Variants in MVB12B observed in about 807,000 individuals in gnomAD.
MVB12B encodes ESCRT-I complex subunit MVB12B.
A neutral mutation model predicts 41.6 loss-of-function variants in MVB12B; 16 were observed. That is an observed-to-expected ratio of 0.38 (90% CI 0.26 to 0.58). The LOEUF (loss-of-function observed/expected upper bound fraction) is 0.58. Ranked by LOEUF, MVB12B falls within the 20% of genes least tolerant of loss-of-function variation. The pLI is 0.62. For missense variants in MVB12B, 274 were observed against 380.2 expected (o/e 0.72, Z 2.32); for synonymous variants, 133 against 139.7 (o/e 0.95, Z 0.34).
At chr9:126,375,081 A>G (rs573063107) in intron 2 of MVB12B, among the ~76,000 whole-genome samples, 2 of 151,994 alleles carry the variant, frequency 1.3e-5, no homozygotes, top group South Asian at 4.2e-4. Context: ...ATTTTATTAT[A>G]TTGCTTATTT....
chr9:126,438,236 G>A (rs1230895788), intron 7 of MVB12B, among the ~76,000 whole-genome samples: 2 of 152,148 alleles, frequency 1.3e-5, no homozygotes, highest in Admixed American at 6.5e-5. Flanking sequence ...AATGACCAGC[G>A]TGTTTAAATT....
In MVB12B at chr9:126,503,348, T is replaced by A; in HGVS notation, c.*85T>A. 8.8e-7 allele frequency: 1 copy of A among 1,131,822 alleles called. No individual in the cohort carries two copies. Among genetic ancestry groups the A allele is most frequent in the Non-Finnish European group, 1.3e-6 (1 of 789,004 alleles). 70.1% of individuals were successfully genotyped at this position (1,131,822 alleles called of 1,614,324 possible). On this transcript the variant is annotated 3_prime_UTR_variant, in exon 10 of 10. Transcript: ENST00000361171. Reference sequence around the variant, plus strand: ...GCTGCCCCCGCCTCCTCCTGCCGCCTCCGCCAGCCCTCCCTCCCACACTGC... The same window carrying A: ...GCTGCCCCCGCCTCCTCCTGCCGCCACCGCCAGCCCTCCCTCCCACACTGC...
Position 126,436,360 on chromosome 9 carries a change from C to G in MVB12B, c.757+14412C>G, listed in dbSNP as rs1303637620. ...TAATTGGATTGGGAAAAAGAACCTA[C>G]AAGTTATGAACTTTGCAGAGCAGCA... On this transcript the variant is annotated intron_variant, in intron 7 of 9. Transcript: ENST00000361171. The surrounding 1 kb of genome is among the most constrained non-coding windows in gnomAD (Gnocchi z 4.1). 6.6e-6 allele frequency among the ~76,000 whole-genome samples: 1 copy of G among 152,220 alleles called. No homozygotes were observed. Among genetic ancestry groups the G allele is most frequent in the Non-Finnish European group, 1.5e-5 (1 of 68,032 alleles).
intron 2 of MVB12B, among the ~76,000 whole-genome samples, chr9:126,372,999 T>C (rs1292438079): frequency 6.6e-6 from 1 of 152,098 alleles, no homozygotes; most frequent in African/African-American, 2.4e-5. Flanking sequence ...GGGTTAGACA[T>C]AGAGGCCCAG....
In MVB12B at chr9:126,335,144, G is replaced by A. The variant is rs1392163036; in HGVS notation, c.82-5364G>A. The stretch of plus-strand genomic sequence containing the variant: ...GCTTAGAAAAATATTTGCCTTAGTT[G>A]CCCAACAACTTAGCAGCCCTCCTAG... On this transcript the variant is annotated intron_variant, in intron 1 of 9. Transcript: ENST00000361171. 1.1e-5 allele frequency: 10 copies of A among 924,920 alleles called. No individual in the cohort carries two copies. In the East Asian group the frequency reaches 6.0e-4, roughly 55 times the overall value. The allele number at this position is 924,920 out of a possible 1,614,324, so 57.3% of individuals were successfully genotyped here.
intron 6 of MVB12B, among the ~76,000 whole-genome samples, chr9:126,417,302 C>T (rs1831853718): frequency 6.6e-6 from 1 of 152,256 alleles, no homozygotes; most frequent in African/African-American, 2.4e-5. Flanking sequence ...AAAATACAGT[C>T]AGCCTGTGAC....
In MVB12B at chr9:126,503,518, G is replaced by T; in HGVS notation, c.*255G>T. 5.6e-6 allele frequency: 3 copies of T among 537,934 alleles called. No individual in the cohort carries two copies. The highest frequency in any genetic ancestry group is 2.5e-5 in the South Asian group (1 of 40,358). 33.3% of individuals were successfully genotyped at this position (537,934 alleles called of 1,614,324 possible). A position where few individuals can be genotyped will look rare whatever the true frequency, so the allele number is the denominator to read the frequency against. ...GCTGTAGTGACCAGCGGCTCCTAAC[G>T]TGTCTGTGTGATGACCAGTTGTCCT... On this transcript the variant is annotated 3_prime_UTR_variant, in exon 10 of 10. Transcript: ENST00000361171.
chr9:126,424,938 T>A (rs1832129550), intron 7 of MVB12B, among the ~76,000 whole-genome samples: 1 of 152,228 alleles, frequency 6.6e-6, no homozygotes, highest in Non-Finnish European at 1.5e-5. Context: ...GGGAGGTGGA[T>A]AGATCTTAAA....
Position 126,376,282 on chromosome 9 carries a change from C to G in MVB12B, c.205-4782C>G, listed in dbSNP as rs1830478214. ...ATTTGCAGTCTATTCACTCATCCCT[C>G]TGAGGATTTAATTACAGACTGGGTT... On this transcript the variant is annotated intron_variant, in intron 2 of 9. Coordinates refer to ENST00000361171, the MANE Select transcript of MVB12B (RefSeq NM_033446.3). This position sits in a 1 kb window ranked among gnomAD's most constrained non-coding sequence, Gnocchi z 4.1. 6.6e-6 allele frequency among the ~76,000 whole-genome samples: 1 copy of G among 152,234 alleles called. No individual in the cohort carries two copies.
intron 7 of MVB12B, among the ~76,000 whole-genome samples, chr9:126,451,558 G>A (rs1207042121): frequency 6.6e-6 from 1 of 152,114 alleles, no homozygotes; most frequent in African/African-American, 2.4e-5. Flanking sequence ...GAATGGTCAA[G>A]GCTGCATCTC....
At chr9:126,400,761 T>C (rs1245746588) in intron 6 of MVB12B, among the ~76,000 whole-genome samples, 2 of 152,204 alleles carry the variant, frequency 1.3e-5, no homozygotes, top group African/African-American at 2.4e-5. Flanking sequence ...GAGTTGCTGC[T>C]GTGCAGCCTC....
At chr9:126,423,613 G>T (rs1554778114) in intron 7 of MVB12B, among the ~76,000 whole-genome samples, 1 of 152,188 alleles carries the variant, frequency 6.6e-6, no homozygotes. Context: ...CTCCTCAGTG[G>T]CTGCAAGCAC....
chr9:126,403,891 T>C (rs897524678), intron 6 of MVB12B, among the ~76,000 whole-genome samples: 1 of 151,914 alleles, frequency 6.6e-6, no homozygotes, highest in Admixed American at 6.5e-5. Context: ...CAGAGACTTA[T>C]CATGCATTTA....
At chr9:126,396,875 T>C in intron 6 of MVB12B, 2 of 985,462 alleles carry the variant, frequency 2.0e-6, no homozygotes, top group Non-Finnish European at 2.4e-6. Flanking sequence ...CAGTTGAGTC[T>C]CTGTTGGGTT....
At chr9:126,488,037 G>GGCAAAGGCTTTTCTCCGTAAATA (rs1833656530) in intron 9 of MVB12B, among the ~76,000 whole-genome samples, 1 of 152,182 alleles carries the variant, frequency 6.6e-6, no homozygotes, top group South Asian at 2.1e-4. Context: ...CCGCAGCCGT[G>GGCAAAGGCTTTTCTCCGTAAATA]GCAAAGGCTT....
At chr9:126,437,575 A>G (rs1832517267) in intron 7 of MVB12B, among the ~76,000 whole-genome samples, 1 of 152,270 alleles carries the variant, frequency 6.6e-6, no homozygotes, top group African/African-American at 2.4e-5. Context: ...AATAAGGGAC[A>G]GAAAACCGGA....
Position 126,446,938 on chromosome 9 carries a change from C to CTTTTTTTTTTTTTTTTTTT in MVB12B, c.757+24991_757+25009dup, listed in dbSNP as rs33991689. Among the ~76,000 whole-genome samples, 3 of 104,324 alleles carry CTTTTTTTTTTTTTTTTTTT rather than the reference C, an allele frequency of 2.9e-5. 1 individual carries two copies. The highest frequency in any genetic ancestry group is 1.8e-5 in the Non-Finnish European group (1 of 55,274). 68.4% of individuals were successfully genotyped at this position (104,324 alleles called of 152,430 possible). ...TGTATTAGTTCTTTTTTTTAACTTT[C>CTTTTTTTTTTTTTTTTTTT]TTTTTTTTTTTTTTTTTTTCCTTTG... is the stretch of plus-strand genomic sequence containing the variant. On this transcript the variant is annotated intron_variant, in intron 7 of 9. Transcript: ENST00000361171.
At chr9:126,409,365 A>G (rs1831555062) in intron 6 of MVB12B, among the ~76,000 whole-genome samples, 1 of 146,868 alleles carries the variant, frequency 6.8e-6, no homozygotes, top group South Asian at 2.1e-4. Flanking sequence ...CCTTCTTTAC[A>G]CCACTCACAG....
chr9:126,402,296 G>C (rs1831287635), intron 6 of MVB12B, among the ~76,000 whole-genome samples: 1 of 152,140 alleles, frequency 6.6e-6, no homozygotes, highest in South Asian at 2.1e-4. Flanking sequence ...AATGGTTTGG[G>C]GGCAGGTGAG....
Sources: gnomAD v4.1 joint callset for allele counts (sites outside exome capture counted in the v4.1 genomes callset) on GRCh38, gnomAD v4.1.1 for gene constraint, Gnocchi (gnomAD v3.1) non-coding constraint, MANE v1.5 for transcripts, NCBI Gene and HGNC (gene_info 2026-07-23, HGNC 2026-07-21) for gene names.